Variants in TRIO observed in about 807,000 individuals in gnomAD.
TRIO encodes the protein trio Rho guanine nucleotide exchange factor, also known as triple functional domain protein.
In TRIO, 58 loss-of-function variants were observed where a neutral mutation model predicts 351.9. That is an observed-to-expected ratio of 0.16 (90% CI 0.13 to 0.21). The LOEUF is 0.21. TRIO is among the 10% of genes least tolerant of loss of function. TRIO has a pLI of 1.00. For synonymous variants in TRIO, 1,758 were observed against 1,595.7 expected, an observed-to-expected ratio of 1.10 and a Z score of -2.42; for missense variants, 3,201 against 4,027.8, an observed-to-expected ratio of 0.79 and a Z score of 5.56.
At chr5:14,198,199 T>G (rs1037235900) in intron 1 of TRIO, among the ~76,000 whole-genome samples, 1 of 152,214 alleles carries the variant, frequency 6.6e-6, no homozygotes, top group Non-Finnish European at 1.5e-5. Flanking sequence ...ATAAATGATT[T>G]CATATAGCAT....
At position 14,381,666 on chromosome 5, in the gene TRIO, G is replaced by C. The variant is rs118037337; in HGVS notation, c.3570+414G>C. Among the ~76,000 whole-genome samples the C allele has an allele frequency of 2.6e-5, 4 of 152,256 alleles. No homozygotes were observed. In the East Asian group the frequency reaches 7.7e-4, roughly 29 times the overall value. On this transcript the variant is annotated intron_variant, in intron 21 of 56. Transcript: ENST00000344204. ...ACCTGGGGGTGTTTCACCGTCTTTAGATGGTGAAAACTGTTACAGTCGTGT... is the reference window on the plus strand; with the variant it reads ...ACCTGGGGGTGTTTCACCGTCTTTACATGGTGAAAACTGTTACAGTCGTGT...
At chr5:14,451,152 C>CTCA (rs556607813) in intron 34 of TRIO, among the ~76,000 whole-genome samples, 2 of 152,194 alleles carry the variant, frequency 1.3e-5, no homozygotes, top group African/African-American at 4.8e-5. Context: ...CCAGCTTTGT[C>CTCA]TCATCATCAT....
intron 1 of TRIO, among the ~76,000 whole-genome samples, chr5:14,164,171 C>A (rs142988283): frequency 6.6e-6 from 1 of 152,268 alleles, no homozygotes; most frequent in African/African-American, 2.4e-5. Flanking sequence ...GACTTAAATT[C>A]TTTGACACTT....
chr5:14,143,672 G>A lies in TRIO; in HGVS notation c.-54G>A, dbSNP rs972117410. The A allele has an allele frequency of 2.2e-4, 207 of 921,264 alleles. No homozygotes were observed. The highest frequency in any genetic ancestry group is 2.6e-4 in the Non-Finnish European group (198 of 775,326). 57.1% of individuals were successfully genotyped at this position (921,264 alleles called of 1,614,324 possible). A position where few individuals can be genotyped will look rare whatever the true frequency, so the allele number is the denominator to read the frequency against. On this transcript the variant is annotated 5_prime_UTR_variant, in exon 1 of 57. Coordinates refer to ENST00000344204, the MANE Select transcript of TRIO (RefSeq NM_007118.4). ...GCCCGGCGCGGAGCGGGCGGCACGC[G>A]GCGCTAGGGGCGCGGGGCCCGAGGC...
chr5:14,407,587 C>T (rs940916105), intron 33 of TRIO, among the ~76,000 whole-genome samples: 2 of 152,200 alleles, frequency 1.3e-5, no homozygotes, highest in African/African-American at 2.4e-5. Flanking sequence ...GATGCCCTCT[C>T]ATAACCATAG....
rs115021392 is a variant in TRIO at position 14,258,456 on chromosome 5, C to T, written c.158-12369C>T. Among the ~76,000 whole-genome samples, 941 of 152,084 alleles carry T rather than the reference C, an allele frequency of 6.2e-3. 13 individuals carry two copies. The highest frequency in any genetic ancestry group is 0.022 in the African/African-American group (897 of 41,490). ...ACTATACTAAGTTTAATTTGGAAAA[C>T]GATGTTCCCTGTGCTTTTTAGTAGA... On this transcript the variant is annotated intron_variant, in intron 1 of 56. Coordinates refer to ENST00000344204, the MANE Select transcript of TRIO (RefSeq NM_007118.4).
intron 41 of TRIO, among the ~76,000 whole-genome samples, chr5:14,478,126 G>C (rs1755226583): frequency 6.6e-6 from 1 of 152,150 alleles, no homozygotes; most frequent in Non-Finnish European, 1.5e-5. Flanking sequence ...TCACAACTCG[G>C]TTACATAAGT....
chr5:14,377,984 A>C, intron 19 of TRIO, 28 bp from the exon 20 acceptor site: 1 of 1,560,380 alleles, frequency 6.4e-7, no homozygotes, highest in Non-Finnish European at 8.8e-7. Flanking sequence ...GCAAGCACCA[A>C]CATACATCAT....
At chr5:14,147,151 C>G (rs1238137311) in intron 1 of TRIO, among the ~76,000 whole-genome samples, 1 of 150,698 alleles carries the variant, frequency 6.6e-6, no homozygotes, top group East Asian at 1.9e-4. Context: ...AATGCAAGAG[C>G]AAAAAGAAAA....
intron 1 of TRIO, among the ~76,000 whole-genome samples, chr5:14,269,725 C>T (rs1795880878): frequency 6.6e-6 from 1 of 152,142 alleles, no homozygotes; most frequent in African/African-American, 2.4e-5. Context: ...GCTCAGGACA[C>T]CAAAAGTGAA....
intron 11 of TRIO, among the ~76,000 whole-genome samples, chr5:14,346,360 G>A (rs1252514678): frequency 6.6e-6 from 1 of 152,198 alleles, no homozygotes; most frequent in Non-Finnish European, 1.5e-5. Context: ...AATGGTGAAG[G>A]CTTTGTAAGG....
chr5:14,394,356 A>G (rs958494409), intron 28 of TRIO, among the ~76,000 whole-genome samples: 13 of 152,220 alleles, frequency 8.5e-5, no homozygotes, highest in Non-Finnish European at 2.9e-5. Flanking sequence ...GACCCTAAAC[A>G]TAAAATGAGA....
intron 19 of TRIO, 133 bp from the exon 20 acceptor site, chr5:14,377,879 A>G (rs1266433308): frequency 3.1e-6 from 2 of 653,618 alleles, no homozygotes; most frequent in East Asian, 5.7e-5. Flanking sequence ...ACAGGAAAGC[A>G]GTGTGATTCT....
chr5:14,351,149 C>G (rs532640505), intron 11 of TRIO, among the ~76,000 whole-genome samples: 7 of 152,240 alleles, frequency 4.6e-5, no homozygotes, highest in Middle Eastern at 3.4e-3. Flanking sequence ...ATTGGTGACC[C>G]CTGTATTAAG....
At chr5:14,424,022 AAC>A (rs1237158149) in intron 34 of TRIO, among the ~76,000 whole-genome samples, 1 of 151,152 alleles carries the variant, frequency 6.6e-6, no homozygotes, top group Non-Finnish European at 1.5e-5. Flanking sequence ...CAGCCTGGAC[AAC>A]AGAGTGAGAC....
In TRIO at chr5:14,421,748, C is replaced by T. The variant is rs373465454; in HGVS notation, c.5203+1727C>T. 2.0e-5 allele frequency among the ~76,000 whole-genome samples: 3 copies of T among 152,224 alleles called. No homozygotes were observed. The East Asian group carries it at 5.8e-4, about 29-fold the overall frequency. Reference sequence around the variant, plus strand: ...GGAAGCGGTAGGGCGTGGGTGAGGTCCTGACCATGTCCACGTCCAGGAAAC... The same window carrying T: ...GGAAGCGGTAGGGCGTGGGTGAGGTTCTGACCATGTCCACGTCCAGGAAAC... On this transcript the variant is annotated intron_variant, in intron 34 of 56. Coordinates refer to ENST00000344204, the MANE Select transcript of TRIO (RefSeq NM_007118.4).
rs1278496901 is a variant in TRIO, at chr5:14,509,414, G to C, written c.*992G>C. ...TTGGGGTTGGCGGGTGGGTGGGTAG[G>C]GTCGTAGCCCTGTGCCATCGGTTCA... On this transcript the variant is annotated 3_prime_UTR_variant, in exon 57 of 57. Transcript: ENST00000344204. The C allele has an allele frequency of 2.1e-6, 1 of 468,420 alleles. No individual in the cohort carries two copies. The highest frequency in any genetic ancestry group is 2.0e-5 in the African/African-American group (1 of 51,056). 29.0% of individuals were successfully genotyped at this position (468,420 alleles called of 1,614,324 possible).
chr5:14,360,698 G>A (rs994569166), intron 13 of TRIO, among the ~76,000 whole-genome samples: 1 of 152,238 alleles, frequency 6.6e-6, no homozygotes, highest in African/African-American at 2.4e-5. Flanking sequence ...CTATAGGCCT[G>A]CCCTGGGGAG....
At chr5:14,161,701 C>T (rs1457603328) in intron 1 of TRIO, among the ~76,000 whole-genome samples, 1 of 152,012 alleles carries the variant, frequency 6.6e-6, no homozygotes, top group African/African-American at 2.4e-5. Context: ...TAGATTAGGC[C>T]CCTAGAAATG....
Sources: gnomAD v4.1 joint callset for allele counts (sites outside exome capture counted in the v4.1 genomes callset) on GRCh38, gnomAD v4.1.1 for gene constraint, MANE v1.5 for transcripts, NCBI Gene and HGNC (gene_info 2026-07-23, HGNC 2026-07-21) for gene names.